The following PXMP2 variants were observed in gnomAD, a reference collection of about 807,000 sequenced individuals.
The protein encoded by PXMP2 is 22 kDa peroxisomal membrane protein.
In PXMP2, 13 loss-of-function variants were observed where a neutral mutation model predicts 20.2. The observed-to-expected ratio is 0.64, with a 90% CI of 0.42 to 1.02. PXMP2 has a LOEUF of 1.02. Among genes scored for constraint, PXMP2 ranks in the 50% least tolerant of loss-of-function variants. The pLI, the probability that PXMP2 is intolerant of heterozygous loss-of-function variation, is 0.00. For missense variants in PXMP2, 284 were observed against 251.8 expected, an observed-to-expected ratio of 1.13 and a Z score of -0.87; for synonymous variants, 113 against 111.2, an observed-to-expected ratio of 1.02 and a Z score of -0.10.
chr12:132,693,875 C>A (rs2043389718), intron 2 of PXMP2, among the ~76,000 whole-genome samples: 1 of 93,378 alleles, frequency 1.1e-5, no homozygotes, highest in Admixed American at 1.0e-4. Context: ...AGTGAGCTCC[C>A]TTAGCCAGTT....
Position 132,687,648 on chromosome 12 carries a change from G to A in PXMP2, c.-23G>A. The A allele has an allele frequency of 1.7e-6, 2 of 1,153,552 alleles. No individual in the cohort carries two copies. The highest frequency in any genetic ancestry group is 4.2e-5 in the East Asian group (1 of 24,078). 71.5% of individuals were successfully genotyped at this position (1,153,552 alleles called of 1,614,324 possible). A position where few individuals can be genotyped will look rare whatever the true frequency, so the allele number is the denominator to read the frequency against. On this transcript the variant is annotated 5_prime_UTR_variant, in exon 1 of 5. Transcript: ENST00000317479. ...AGCCTGAGGTGGGGTCGGTGCCCCCGGCGGCACGGCGCTGGGGAGGCGATG... is the reference window on the plus strand; with the variant it reads ...AGCCTGAGGTGGGGTCGGTGCCCCCAGCGGCACGGCGCTGGGGAGGCGATG...
In PXMP2 at chr12:132,704,794, G is replaced by A. The variant is rs2043461695; in HGVS notation, c.*107G>A. The A allele has an allele frequency of 9.2e-7, 1 of 1,087,616 alleles. No individual in the cohort carries two copies. The highest frequency in any genetic ancestry group is 1.6e-5 in the African/African-American group (1 of 64,338). The allele number at this position is 1,087,616 out of a possible 1,614,324, so 67.4% of individuals were successfully genotyped here. On this transcript the variant is annotated 3_prime_UTR_variant, in exon 5 of 5. Coordinates refer to ENST00000317479, the MANE Select transcript of PXMP2 (RefSeq NM_018663.3). The stretch of plus-strand genomic sequence containing the variant: ...TCAGGATGTCACTGACTCTAAATCA[G>A]GTGATTCAAGATGCCCAAAAATGAT...
intron 3 of PXMP2, 47 bp from the exon 4 acceptor site, chr12:132,701,203 C>T: frequency 6.2e-7 from 1 of 1,610,110 alleles, no homozygotes; most frequent in African/African-American, 1.3e-5. Context: ...GAATTCAGTT[C>T]TGATGGGCAG....
rs2043460795 is a variant in PXMP2 at position 132,704,706 on chromosome 12, C to A, written c.*19C>A. 6.3e-7 allele frequency: 1 copy of A among 1,588,336 alleles called. No individual in the cohort carries two copies. Among genetic ancestry groups the A allele is most frequent in the Non-Finnish European group, 8.6e-7 (1 of 1,166,412 alleles). ...GAAGTGACGACCGCTGGGAGAACAT[C>A]AGGTGCACTGTGGACGTGGGTCTGG... is the stretch of plus-strand genomic sequence containing the variant. On this transcript the variant is annotated 3_prime_UTR_variant, in exon 5 of 5. Coordinates refer to ENST00000317479, the MANE Select transcript of PXMP2 (RefSeq NM_018663.3).
At chr12:132,692,019 A>C (rs1268416761) in intron 2 of PXMP2, among the ~76,000 whole-genome samples, 1 of 149,176 alleles carries the variant, frequency 6.7e-6, no homozygotes, top group Non-Finnish European at 1.5e-5. Flanking sequence ...CTTGCCAGTT[A>C]GTTAGTGAGC....
intron 2 of PXMP2, 53 bp downstream of exon 2, chr12:132,690,429 G>C (rs761639203): frequency 7.2e-7 from 1 of 1,389,922 alleles, no homozygotes; most frequent in Non-Finnish European, 1.0e-6. Flanking sequence ...GTGCAACCAA[G>C]CTGGGCACCA....
intron 2 of PXMP2, among the ~76,000 whole-genome samples, chr12:132,692,872 T>G (rs1188069032): frequency 3.7e-5 from 3 of 81,152 alleles, no homozygotes; most frequent in African/African-American, 1.3e-4. Flanking sequence ...GTTAGTGAGC[T>G]CCCTTGCCAG....
chr12:132,688,064 AC>A (rs2043321223), intron 1 of PXMP2: 1 of 220,324 alleles, frequency 4.5e-6, no homozygotes. Flanking sequence ...CCACCCAAGG[AC>A]CCAACAGGGG....
chr12:132,693,005 C>T (rs1461921948), intron 2 of PXMP2, among the ~76,000 whole-genome samples: 209 of 60,548 alleles, frequency 3.5e-3, no homozygotes, highest in Middle Eastern at 0.025. Context: ...AGTTAGTGAG[C>T]GCCCTTGCCA....
At chr12:132,701,638 G>A (rs191118274) in intron 4 of PXMP2, 93 of 444,878 alleles carry the variant, frequency 2.1e-4, no homozygotes, top group African/African-American at 1.6e-3. Flanking sequence ...TCTTCTGTTC[G>A]TTCAGCAAAT....
chr12:132,694,667 C>T (rs2043398875), intron 2 of PXMP2, among the ~76,000 whole-genome samples: 3 of 130,068 alleles, frequency 2.3e-5, no homozygotes, highest in African/African-American at 3.0e-5. Context: ...GCTCCCTTAG[C>T]CAGTTAGTTA....
At chr12:132,693,330 G>C (rs1265213384) in intron 2 of PXMP2, among the ~76,000 whole-genome samples, 1 of 28,620 alleles carries the variant, frequency 3.5e-5, no homozygotes, top group Admixed American at 2.6e-4. Flanking sequence ...CAGTTAGTTA[G>C]TGAGCGCCCT....
At chr12:132,697,909 G>C (rs1286106594) in intron 3 of PXMP2, among the ~76,000 whole-genome samples, 2 of 152,022 alleles carry the variant, frequency 1.3e-5, no homozygotes, top group Non-Finnish European at 2.9e-5. Flanking sequence ...CAGCAGGTGT[G>C]TCTGTTCTGA....
Position 132,690,317 on chromosome 12 carries a change from G to GA in PXMP2, c.183dup (p.Glu62ArgfsTer4), listed in dbSNP as rs1464958464. ...TGGCCCAGATGATTGAGAAGAAGCG[G>GA]AAAAAAGAAAACTCTAGAAGTCTGG... On this transcript the variant is annotated frameshift_variant, in exon 2 of 5. Coordinates refer to ENST00000317479, the MANE Select transcript of PXMP2 (RefSeq NM_018663.3). LOFTEE classifies it high-confidence loss of function. 1 of 1,613,846 alleles carries GA rather than the reference G, an allele frequency of 6.2e-7. No individual in the cohort carries two copies. Among genetic ancestry groups the GA allele is most frequent in the Non-Finnish European group, 8.5e-7 (1 of 1,179,966 alleles).
At chr12:132,701,417 TTTCCTTCC>T (rs549705164) in intron 4 of PXMP2, 48 bp downstream of exon 4, 22 of 1,585,810 alleles carry the variant, frequency 1.4e-5, no homozygotes, top group African/African-American at 6.7e-5. Flanking sequence ...TTGTCAGCCT[TTTCCTTCC>T]TTCCTTCCTT....
intron 2 of PXMP2, 134 bp from the exon 3 acceptor site, chr12:132,695,750 T>A: frequency 1.1e-6 from 1 of 927,104 alleles, no homozygotes; most frequent in South Asian, 2.0e-5. Context: ...GACTTATCTG[T>A]ACAGACCTGT....
chr12:132,704,473 ACAAAGGCT>A, intron 4 of PXMP2, 138 bp from the exon 5 acceptor site: 1 of 545,248 alleles, frequency 1.8e-6, no homozygotes, highest in Non-Finnish European at 3.0e-6. Context: ...TTTGGTACGA[ACAAAGGCT>A]CAGTAAATGC....
intron 2 of PXMP2, among the ~76,000 whole-genome samples, chr12:132,691,538 A>G (rs2043366670): frequency 6.6e-6 from 1 of 152,174 alleles, no homozygotes; most frequent in South Asian, 2.1e-4. Context: ...TGTTTTCTTT[A>G]ATTCAGAATT....
chr12:132,697,416 T>TATTTATTTA (rs200527545), intron 3 of PXMP2, among the ~76,000 whole-genome samples: 1 of 94,194 alleles, frequency 1.1e-5, no homozygotes, highest in Non-Finnish European at 2.8e-5. Context: ...TTTATTTATT[T>TATTTATTTA]TTTATTTTTG....
Sources: gnomAD v4.1 joint callset for allele counts (sites outside exome capture counted in the v4.1 genomes callset) on GRCh38, gnomAD v4.1.1 for gene constraint, MANE v1.5 for transcripts, NCBI Gene and HGNC (gene_info 2026-07-23, HGNC 2026-07-21) for gene names.